PLB1: variants seen among roughly 807,000 people sequenced by gnomAD.
PLB1 encodes the protein phospholipase B1, membrane-associated.
A neutral mutation model predicts 227.4 loss-of-function variants in PLB1; 242 were observed. The observed-to-expected ratio is 1.06, with a 90% confidence interval of 0.96 to 1.18. The LOEUF is 1.18. PLB1 is among the 50% of genes most tolerant of loss of function. The probability of loss-of-function intolerance (pLI) is 0.00; values close to 1 mark genes in which losing one functional copy is unlikely to be tolerated. For synonymous variants in PLB1, 757 were observed against 682.2 expected, an observed-to-expected ratio of 1.11 and a Z score of -1.71; for missense variants, 1,858 against 1,816.3, an observed-to-expected ratio of 1.02 and a Z score of -0.42.
intron 17 of PLB1, among the ~76,000 whole-genome samples, chr2:28,561,309 T>C (rs1325083525): frequency 2.0e-5 from 1 of 51,168 alleles, no homozygotes; most frequent in Non-Finnish European, 5.0e-5. Flanking sequence ...TCACACGGAA[T>C]GCTCAAACTC....
intron 20 of PLB1, among the ~76,000 whole-genome samples, chr2:28,567,382 G>A (rs1249329517): frequency 6.6e-6 from 1 of 151,618 alleles, no homozygotes; most frequent in African/African-American, 2.4e-5. Flanking sequence ...AAGTTATCTT[G>A]TGCAGGCTGT....
intron 53 of PLB1, among the ~76,000 whole-genome samples, 179 bp from the exon 54 acceptor site, chr2:28,630,407 A>G (rs966435218): frequency 1.3e-5 from 2 of 152,166 alleles, no homozygotes; most frequent in Non-Finnish European, 2.9e-5. Context: ...ACCTGGGTCC[A>G]AGAATCAGCC....
At chr2:28,568,855 G>A (rs1677514442) in intron 20 of PLB1, among the ~76,000 whole-genome samples, 1 of 152,216 alleles carries the variant, frequency 6.6e-6, no homozygotes, top group African/African-American at 2.4e-5. Flanking sequence ...GCAAGTCGTT[G>A]CCCTATCCAA....
At chr2:28,600,693 C>T in intron 35 of PLB1, 116 bp from the exon 36 acceptor site, 1 of 910,186 alleles carries the variant, frequency 1.1e-6, no homozygotes, top group Non-Finnish European at 1.7e-6. Flanking sequence ...GCCTCGGGAT[C>T]TCTGCCAGCT....
chr2:28,635,570 C>T (rs944846043), intron 56 of PLB1, among the ~76,000 whole-genome samples: 23 of 115,376 alleles, frequency 2.0e-4, no homozygotes, highest in Non-Finnish European at 4.8e-4. Context: ...AATTAGAGTC[C>T]TATGACATAG....
Position 28,581,930 on chromosome 2 carries a change from CA to C in PLB1, c.1567-137del, listed in dbSNP as rs1680083592. The C allele has an allele frequency of 1.5e-5, 11 of 728,978 alleles. No homozygotes were observed. The South Asian group carries it at 2.1e-4, about 14-fold the overall frequency. The allele number at this position is 728,978 out of a possible 1,614,324, so 45.2% of individuals were successfully genotyped here. The stretch of plus-strand genomic sequence containing the variant: ...GAGCCATGATCACACCACTGCACTC[CA>C]GCCCGGGAGACAGAGTGAGATCCTA... On this transcript the variant is annotated intron_variant, in intron 23 of 57. Transcript: ENST00000327757.
At chr2:28,512,950 G>T (rs904641115) in intron 1 of PLB1, among the ~76,000 whole-genome samples, 1 of 152,134 alleles carries the variant, frequency 6.6e-6, no homozygotes, top group Non-Finnish European at 1.5e-5. Context: ...AATATGTGAG[G>T]AGCATATCTC....
At chr2:28,575,066 C>CT (rs1678704143) in intron 21 of PLB1, among the ~76,000 whole-genome samples, 1 of 152,182 alleles carries the variant, frequency 6.6e-6, no homozygotes, top group Non-Finnish European at 1.5e-5. Flanking sequence ...GGTGGTTCTA[C>CT]TTTCAGTCTT....
chr2:28,496,413 C>G (rs1666446223), intron 1 of PLB1, among the ~76,000 whole-genome samples: 1 of 152,148 alleles, frequency 6.6e-6, no homozygotes, highest in East Asian at 1.9e-4. Context: ...GAGAGAAGTG[C>G]AGTCCGGTAG....
chr2:28,578,157 C>CG lies in PLB1; in HGVS notation c.1485+1dup. ...CTGGTGGACCTGATGAAGAATGACA[C>CG]GGTGGGTCCCTGGGATGGGAAGTAG... is the stretch of plus-strand genomic sequence containing the variant. On this transcript the variant is annotated frameshift_variant and splice_region_variant, in exon 22 of 58. Coordinates refer to ENST00000327757, the MANE Select transcript of PLB1 (RefSeq NM_153021.5). LOFTEE classifies it high-confidence loss of function. 1 of 1,613,934 alleles carries CG rather than the reference C, an allele frequency of 6.2e-7. No individual in the cohort carries two copies. Among genetic ancestry groups the CG allele is most frequent in the South Asian group, 1.1e-5 (1 of 91,052 alleles).
intron 13 of PLB1, 73 bp downstream of exon 13, chr2:28,541,884 G>A (rs555596501): frequency 1.6e-6 from 2 of 1,277,794 alleles, no homozygotes; most frequent in East Asian, 4.7e-5. Context: ...TGTAATCCCA[G>A]CACTTTGGGA....
rs767953973 is a variant in PLB1 at position 28,585,741 on chromosome 2, C to G, written c.1734-20C>G. On this transcript the variant is annotated intron_variant, in intron 25 of 57. Coordinates refer to ENST00000327757, the MANE Select transcript of PLB1 (RefSeq NM_153021.5). ...GGTGATCTTGGTGGGATGAGGGTTT[C>G]TCTTTGGTTTGGTCTACAGGTCTCT... 3 of 1,567,402 alleles carry G rather than the reference C, an allele frequency of 1.9e-6. No individual in the cohort carries two copies. Among genetic ancestry groups the G allele is most frequent in the South Asian group, 1.1e-5 (1 of 90,074 alleles).
At chr2:28,591,813 T>G (rs1404798862) in intron 31 of PLB1, 53 bp downstream of exon 31, 1 of 1,542,328 alleles carries the variant, frequency 6.5e-7, no homozygotes, top group African/African-American at 1.4e-5. Flanking sequence ...GGGGCTGCTA[T>G]GCTGGTGAGT....
intron 33 of PLB1, chr2:28,595,674 T>C (rs1008156884): frequency 3.3e-5 from 5 of 152,126 alleles, no homozygotes; most frequent in Non-Finnish European, 5.9e-5. Flanking sequence ...AGTAGACTTA[T>C]CTGAGAAAAG....
intron 4 of PLB1, among the ~76,000 whole-genome samples, 161 bp downstream of exon 4, chr2:28,519,924 ATTATTTAT>A (rs1553402653): frequency 1.3e-5 from 2 of 151,336 alleles, no homozygotes; most frequent in Admixed American, 1.3e-4. Flanking sequence ...ATTTTATTTT[ATTATTTAT>A]TTATTTATTT....
intron 29 of PLB1, among the ~76,000 whole-genome samples, chr2:28,590,884 A>G (rs552682651): frequency 6.6e-6 from 1 of 152,262 alleles, no homozygotes; most frequent in Non-Finnish European, 1.5e-5. Context: ...TCAGCCAGCC[A>G]CGCGGGAGGT....
chr2:28,550,032 A>G lies in PLB1; in HGVS notation c.1031A>G (p.Tyr344Cys), dbSNP rs781005727. Residue 344 changes from tyrosine to cysteine, a missense_variant, in exon 16 of 58, where the codon TAC becomes TGC. By Grantham distance (194) the Tyr-to-Cys change is radical. Transcript: ENST00000327757. Reference protein sequence around the residue: ...PSQESPYLFSYRNSNYLTRLQ... With the variant: ...PSQESPYLFSCRNSNYLTRLQ... ...CAGGAGAGCCCCTATCTGTTCAGCT[A>G]CAGAAACAGCAACTACCTGACCAGA... 4 of 1,613,560 alleles carry G rather than the reference A, an allele frequency of 2.5e-6. No individual in the cohort carries two copies. The South Asian group carries it at 3.3e-5, about 13-fold the overall frequency.
At chr2:28,613,375 C>T (rs1292565911) in intron 43 of PLB1, among the ~76,000 whole-genome samples, 1 of 152,190 alleles carries the variant, frequency 6.6e-6, no homozygotes, top group Non-Finnish European at 1.5e-5. Context: ...GCTTTGCTGT[C>T]ATTTATACAT....
At chr2:28,530,025 A>G (rs189763275) in intron 8 of PLB1, among the ~76,000 whole-genome samples, 2 of 151,966 alleles carry the variant, frequency 1.3e-5, no homozygotes, top group East Asian at 1.9e-4. Context: ...AGACTGGCTA[A>G]TTTTTATATT....
Sources: allele counts gnomAD v4.1 joint callset (sites outside exome capture counted in the v4.1 genomes callset), GRCh38; gene constraint gnomAD v4.1.1; transcripts MANE v1.5; gene names NCBI Gene and HGNC (gene_info 2026-07-23, HGNC 2026-07-21).